Variants in FAM3C observed in about 807,000 individuals in gnomAD.
The protein encoded by FAM3C is FAM3 metabolism regulating signaling molecule C.
In FAM3C, 15 loss-of-function variants were observed where a neutral mutation model predicts 32.5. That is an observed-to-expected ratio of 0.46 (90% confidence interval 0.31 to 0.71). FAM3C has a LOEUF of 0.71. Among genes scored for constraint, FAM3C ranks in the 30% least tolerant of loss-of-function variants. The probability of loss-of-function intolerance (pLI) is 0.05; values close to 1 mark genes in which losing one functional copy is unlikely to be tolerated. For missense variants in FAM3C, 175 were observed against 274.4 expected (o/e 0.64, Z 2.56); for synonymous variants, 75 against 86.1 (o/e 0.87, Z 0.72).
chr7:121,374,393 GTTTTA>G (rs1261707972), intron 3 of FAM3C, among the ~76,000 whole-genome samples: 1 of 152,050 alleles, frequency 6.6e-6, no homozygotes, highest in Non-Finnish European at 1.5e-5. Flanking sequence ...CTAGAAATGT[GTTTTA>G]TTTTTCTAAA....
At chr7:121,354,182 T>A (rs895459196) in intron 8 of FAM3C, among the ~76,000 whole-genome samples, 6 of 152,266 alleles carry the variant, frequency 3.9e-5, no homozygotes, top group South Asian at 2.1e-4. Flanking sequence ...GCCCCTTTTT[T>A]AAAAAAGCCA....
intron 8 of FAM3C, among the ~76,000 whole-genome samples, chr7:121,358,683 A>G (rs1254982382): frequency 1.3e-5 from 2 of 152,060 alleles, no homozygotes; most frequent in Non-Finnish European, 2.9e-5. Flanking sequence ...TTAAAAATAC[A>G]TGACAACAGT....
rs1675406565 is a variant in FAM3C, at chr7:121,371,428, G to T, written c.149-5C>A. The T allele has an allele frequency of 1.2e-6, 2 of 1,612,844 alleles. No homozygotes were observed. Among genetic ancestry groups the T allele is most frequent in the African/African-American group, 1.3e-5 (1 of 74,834 alleles). On this transcript the variant is annotated splice_region_variant and splice_polypyrimidine_tract_variant and intron_variant, in intron 4 of 9. Coordinates refer to ENST00000359943, the MANE Select transcript of FAM3C (RefSeq NM_014888.3). ...TATATCTGGGAGGCTTTGTAGCTTTGGGGGAGAAAACATGATGTCTTTTTT... is the reference window on the plus strand; with the variant it reads ...TATATCTGGGAGGCTTTGTAGCTTTTGGGGAGAAAACATGATGTCTTTTTT...
intron 9 of FAM3C, 80 bp from the exon 10 acceptor site, chr7:121,350,630 C>A: frequency 7.2e-7 from 1 of 1,382,396 alleles, no homozygotes; most frequent in Middle Eastern, 1.8e-4. Flanking sequence ...ACACACTTCT[C>A]ATTTCAGTAA....
chr7:121,390,078 AAGATCTG>A (rs1794545085), intron 1 of FAM3C, among the ~76,000 whole-genome samples: 1 of 152,224 alleles, frequency 6.6e-6, no homozygotes, highest in Non-Finnish European at 1.5e-5. Context: ...TATATGGTAA[AAGATCTG>A]AAGAACTGTT....
intron 5 of FAM3C, among the ~76,000 whole-genome samples, chr7:121,370,296 A>G (rs897663386): frequency 1.3e-5 from 2 of 152,192 alleles, no homozygotes; most frequent in Non-Finnish European, 2.9e-5. Flanking sequence ...ATTTTACAAG[A>G]AAAGTGTTGT....
Position 121,371,368 on chromosome 7 carries a change from A to C in FAM3C, c.204T>G (p.His68Gln), listed in dbSNP as rs201421824. 1 of 1,613,976 alleles carries C rather than the reference A, an allele frequency of 6.2e-7. No individual in the cohort carries two copies. Among genetic ancestry groups the C allele is most frequent in the Non-Finnish European group, 8.5e-7 (1 of 1,179,876 alleles). ...CGISKACPEKHFAFKMASGAA... is the reference protein window; with the variant it reads ...CGISKACPEKQFAFKMASGAA... ...CTCCACTTGCCATTTTAAAAGCAAA[A>C]TGCTTCTCAGGGCAAGCTTTTGAGA... Residue 68 changes from histidine to glutamine, a missense_variant, in exon 5 of 10, where the codon CAT (histidine) becomes CAG (glutamine). His to Gln is a conservative substitution (Grantham distance 24, BLOSUM62 0). Transcript: ENST00000359943.
At chr7:121,376,651 T>G (rs1338680335) in intron 3 of FAM3C, among the ~76,000 whole-genome samples, 1 of 152,192 alleles carries the variant, frequency 6.6e-6, no homozygotes, top group Non-Finnish European at 1.5e-5. Flanking sequence ...GTTTCAGATT[T>G]TGGAGCATTT....
chr7:121,364,732 A>G (rs1793991443), intron 5 of FAM3C, among the ~76,000 whole-genome samples: 1 of 152,110 alleles, frequency 6.6e-6, no homozygotes, highest in Non-Finnish European at 1.5e-5. Flanking sequence ...AAATCACTGC[A>G]TTGAATGACA....
At chr7:121,355,641 T>C (rs146042457) in intron 8 of FAM3C, among the ~76,000 whole-genome samples, 158 of 152,286 alleles carry the variant, frequency 1.0e-3, no homozygotes, top group African/African-American at 3.7e-3. Flanking sequence ...GAATTTCAAG[T>C]GAGCATATGA....
At position 121,371,374 on chromosome 7, in the gene FAM3C, C is replaced by T. The variant is rs1794141136; in HGVS notation, c.198G>A (p.Glu66=). Residue 66 remains glutamate, a synonymous_variant, in exon 5 of 10, where the codon GAG becomes GAA. Coordinates refer to ENST00000359943, the MANE Select transcript of FAM3C (RefSeq NM_014888.3). ...TTGCCATTTTAAAAGCAAAATGCTT[C>T]TCAGGGCAAGCTTTTGAGATCCCAC... ...YKCGISKACP[E]KHFAFKMASG... 6.2e-7 allele frequency: 1 copy of T among 1,613,980 alleles called. No homozygotes were observed. The highest frequency in any genetic ancestry group is 1.3e-5 in the African/African-American group (1 of 75,040).
At chr7:121,354,212 A>G (rs1301453814) in intron 8 of FAM3C, among the ~76,000 whole-genome samples, 3 of 152,200 alleles carry the variant, frequency 2.0e-5, no homozygotes, top group Non-Finnish European at 4.4e-5. Context: ...ATATATTTTT[A>G]TATAGCATAA....
At chr7:121,358,924 T>C (rs1793868044) in intron 8 of FAM3C, among the ~76,000 whole-genome samples, 1 of 151,894 alleles carries the variant, frequency 6.6e-6, no homozygotes, top group Admixed American at 6.6e-5. Context: ...TGAAGGGGTC[T>C]TACAAGTCAA....
At chr7:121,374,023 C>T (rs1348093861) in intron 3 of FAM3C, among the ~76,000 whole-genome samples, 2 of 149,052 alleles carry the variant, frequency 1.3e-5, no homozygotes, top group African/African-American at 2.5e-5. Context: ...AAAAAAAGAA[C>T]ATTAAGTACT....
At chr7:121,381,966 T>C (rs1157563720) in intron 2 of FAM3C, among the ~76,000 whole-genome samples, 1 of 152,202 alleles carries the variant, frequency 6.6e-6, no homozygotes, top group African/African-American at 2.4e-5. Context: ...AGCTTGACTT[T>C]AGGCATTTCT....
At chr7:121,395,294 T>A (rs966441017) in intron 1 of FAM3C, among the ~76,000 whole-genome samples, 1 of 151,078 alleles carries the variant, frequency 6.6e-6, no homozygotes, top group Non-Finnish European at 1.5e-5. Flanking sequence ...TATGGATACA[T>A]ACATATATAT....
chr7:121,377,965 CAT>C (rs1794272892), intron 3 of FAM3C, among the ~76,000 whole-genome samples: 1 of 152,206 alleles, frequency 6.6e-6, no homozygotes, highest in African/African-American at 2.4e-5. Context: ...TTAGGTGACA[CAT>C]GACTGTGATC....
At chr7:121,361,022 T>A (rs1176077057) in intron 7 of FAM3C, among the ~76,000 whole-genome samples, 1 of 152,160 alleles carries the variant, frequency 6.6e-6, no homozygotes, top group Admixed American at 6.5e-5. Flanking sequence ...TGCTATAAAC[T>A]GGGAGAAGGA....
At chr7:121,393,795 T>G (rs145332518) in intron 1 of FAM3C, among the ~76,000 whole-genome samples, 235 of 152,260 alleles carry the variant, frequency 1.5e-3, no homozygotes, top group African/African-American at 5.5e-3. Flanking sequence ...CTCAATCAGA[T>G]TAAAAAGGAC....
Sources: gnomAD v4.1 joint callset for allele counts (sites outside exome capture counted in the v4.1 genomes callset) on GRCh38, gnomAD v4.1.1 for gene constraint, MANE v1.5 for transcripts, NCBI Gene and HGNC (gene_info 2026-07-23, HGNC 2026-07-21) for gene names.